Variants in CLOCK observed in about 807,000 individuals in gnomAD.
The protein encoded by CLOCK is clock circadian regulator.
In CLOCK, 43 loss-of-function variants were observed where a neutral mutation model predicts 118.4. The ratio of observed to expected loss-of-function variants is 0.36; its 90% CI spans 0.28 to 0.47. The LOEUF (loss-of-function observed/expected upper bound fraction) is 0.47. Ranked by LOEUF, CLOCK falls within the 20% of genes least tolerant of loss-of-function variation. The pLI is 1.00. For missense variants in CLOCK, 846 were observed against 999.9 expected (o/e 0.85, Z 2.08); for synonymous variants, 326 against 339.2 (o/e 0.96, Z 0.43).
intron 8 of CLOCK, among the ~76,000 whole-genome samples, 177 bp downstream of exon 8, chr4:55,470,540 A>G (rs1726063153): frequency 6.6e-6 from 1 of 152,238 alleles, no homozygotes; most frequent in South Asian, 2.1e-4. Context: ...AAGTTACTAC[A>G]GATTAGTTAT....
At chr4:55,535,450 T>C (rs1250603810) in intron 1 of CLOCK, among the ~76,000 whole-genome samples, 1 of 152,136 alleles carries the variant, frequency 6.6e-6, no homozygotes, top group Non-Finnish European at 1.5e-5. Flanking sequence ...CTCATGCCTG[T>C]AATCCTAATA....
intron 21 of CLOCK, 89 bp from the exon 22 acceptor site, chr4:55,438,626 A>AT (rs1361772288): frequency 6.3e-6 from 10 of 1,587,252 alleles, no homozygotes; most frequent in Non-Finnish European, 8.6e-6. Flanking sequence ...ACCTAAGATA[A>AT]TACCCAATGA....
Position 55,482,644 on chromosome 4 carries a change from T to C in CLOCK, c.47+95A>G. ...ATGCAATAGTAATTATGTTTAGGCA[T>C]AAAATTCCTTCTATCAATTTCATAT... On this transcript the variant is annotated intron_variant, in intron 4 of 22. Coordinates refer to ENST00000513440, the MANE Select transcript of CLOCK (RefSeq NM_004898.4). 11 of 809,230 alleles carry C rather than the reference T, an allele frequency of 1.4e-5. No individual in the cohort carries two copies. In the South Asian group the frequency reaches 2.0e-4, roughly 14 times the overall value. The allele number at this position is 809,230 out of a possible 1,614,324, so 50.1% of individuals were successfully genotyped here.
chr4:55,450,083 G>A lies in CLOCK; in HGVS notation c.1348+8C>T, dbSNP rs1724283548. Reference sequence around the variant, plus strand: ...AAAGGAAGTCTGCTTTGAAGCAAGGGTACTCACAGGAAGGGTCTGAGACGG... The same window carrying A: ...AAAGGAAGTCTGCTTTGAAGCAAGGATACTCACAGGAAGGGTCTGAGACGG... On this transcript the variant is annotated splice_region_variant and intron_variant, in intron 16 of 22. Coordinates refer to ENST00000513440, the MANE Select transcript of CLOCK (RefSeq NM_004898.4). 1.2e-6 allele frequency: 2 copies of A among 1,613,914 alleles called. No individual in the cohort carries two copies. The highest frequency in any genetic ancestry group is 1.3e-5 in the African/African-American group (1 of 74,916).
chr4:55,475,940 T>C (rs1208799331), intron 7 of CLOCK, 23 bp downstream of exon 7: 2 of 1,554,610 alleles, frequency 1.3e-6, no homozygotes, highest in East Asian at 4.5e-5. Context: ...AATAAAACTT[T>C]CAAAAATTAA....
In CLOCK at chr4:55,520,088, T is replaced by C. The variant is rs146484197; in HGVS notation, c.-289-10023A>G. ...CCGATTCAAGGCCAACATTTTAGCA[T>C]AGTCTCCCTGAAGTCAACAGGATAA... On this transcript the variant is annotated intron_variant, in intron 1 of 22. Coordinates refer to ENST00000513440, the MANE Select transcript of CLOCK (RefSeq NM_004898.4). 2.1e-3 allele frequency among the ~76,000 whole-genome samples: 324 copies of C among 152,316 alleles called. 1 individual carries two copies. The highest frequency in any genetic ancestry group is 7.5e-3 in the African/African-American group (311 of 41,560).
chr4:55,476,607 A>G (rs971788682), intron 6 of CLOCK, among the ~76,000 whole-genome samples: 2 of 152,146 alleles, frequency 1.3e-5, no homozygotes, highest in Non-Finnish European at 2.9e-5. Flanking sequence ...AAACTTTACT[A>G]CAGTAATATT....
intron 8 of CLOCK, among the ~76,000 whole-genome samples, chr4:55,469,133 T>C (rs1725940447): frequency 6.6e-6 from 1 of 152,156 alleles, no homozygotes; most frequent in Non-Finnish European, 1.5e-5. Context: ...ATTTACATTT[T>C]TTTTTTTTTG....
chr4:55,438,491 C>T lies in CLOCK; in HGVS notation c.2152G>A (p.Val718Ile). The T allele has an allele frequency of 1.9e-6, 3 of 1,613,786 alleles. No individual in the cohort carries two copies. The highest frequency in any genetic ancestry group is 1.7e-6 in the Non-Finnish European group (2 of 1,180,008). Residue 718 changes from valine (V) to isoleucine (I), a missense_variant, in exon 22 of 23, where the codon GTA becomes ATA. Coordinates refer to ENST00000513440, the MANE Select transcript of CLOCK (RefSeq NM_004898.4). Reference sequence around the variant, plus strand: ...GGTACCATGACTGCCCCACAAGCTACAGGAGCAGTCACTAATTTGGTCACA... The same window carrying T: ...GGTACCATGACTGCCCCACAAGCTATAGGAGCAGTCACTAATTTGGTCACA... ...QLVTKLVTAP[V>I]ACGAVMVPST...
intron 6 of CLOCK, among the ~76,000 whole-genome samples, chr4:55,476,331 C>CCCA (rs1205039076): frequency 2.0e-5 from 3 of 152,112 alleles, no homozygotes; most frequent in Non-Finnish European, 4.4e-5. Context: ...CCTGAGATTG[C>CCCA]TTCCTATTTG....
At chr4:55,536,676 T>A (rs1434591695) in intron 1 of CLOCK, among the ~76,000 whole-genome samples, 1 of 152,178 alleles carries the variant, frequency 6.6e-6, no homozygotes, top group Non-Finnish European at 1.5e-5. Flanking sequence ...CTTTTCTTTA[T>A]AAATTACCCA....
chr4:55,510,688 T>C (rs555807466), intron 1 of CLOCK, among the ~76,000 whole-genome samples: 2 of 138,710 alleles, frequency 1.4e-5, no homozygotes, highest in Non-Finnish European at 3.1e-5. Context: ...AATGCAAGAA[T>C]GTGTATGATC....
intron 3 of CLOCK, among the ~76,000 whole-genome samples, chr4:55,483,381 C>T (rs189724306): frequency 9.2e-5 from 14 of 152,090 alleles, no homozygotes; most frequent in Admixed American, 3.9e-4. Flanking sequence ...AGAGGGGAAA[C>T]GAGGAAATAT....
chr4:55,495,170 C>CGA (rs1727972111), intron 2 of CLOCK, among the ~76,000 whole-genome samples: 1 of 152,046 alleles, frequency 6.6e-6, no homozygotes, highest in Non-Finnish European at 1.5e-5. Flanking sequence ...TATATACTTT[C>CGA]ATCCCTATAT....
At chr4:55,484,319 T>C (rs139818121) in intron 3 of CLOCK, among the ~76,000 whole-genome samples, 2,284 of 152,126 alleles carry the variant, frequency 0.015, 62 homozygotes, top group African/African-American at 0.053. Flanking sequence ...GCCTCCTGAG[T>C]AGCTGGGATT....
At chr4:55,479,746 C>A in intron 4 of CLOCK, 47 bp from the exon 5 acceptor site, 1 of 1,423,460 alleles carries the variant, frequency 7.0e-7, no homozygotes, top group Non-Finnish European at 9.9e-7. Context: ...CACTAAGCAA[C>A]AGCAATACTA....
intron 8 of CLOCK, among the ~76,000 whole-genome samples, chr4:55,465,762 G>T (rs955301251): frequency 4.6e-5 from 7 of 152,068 alleles, no homozygotes; most frequent in African/African-American, 1.7e-4. Context: ...GACCAGCCTG[G>T]CTAACATGGA....
intron 8 of CLOCK, 23 bp downstream of exon 8, chr4:55,470,694 G>C (rs1362991755): frequency 6.8e-7 from 1 of 1,474,088 alleles, no homozygotes; most frequent in Non-Finnish European, 9.5e-7. Flanking sequence ...ATACGAAGTA[G>C]ATTGTAGGAT....
At chr4:55,474,133 G>A (rs116623809) in intron 7 of CLOCK, among the ~76,000 whole-genome samples, 1 of 152,168 alleles carries the variant, frequency 6.6e-6, no homozygotes. Flanking sequence ...AAGTAGCAAA[G>A]TTGTGAATGA....
Sources: allele counts gnomAD v4.1 joint callset (sites outside exome capture counted in the v4.1 genomes callset), GRCh38; gene constraint gnomAD v4.1.1; transcripts MANE v1.5; gene names NCBI Gene and HGNC (gene_info 2026-07-23, HGNC 2026-07-21).